The following SEC16A variants were observed in gnomAD, a reference collection of about 807,000 sequenced individuals.
SEC16A encodes the protein SEC16 homolog A, endoplasmic reticulum export factor.
A neutral mutation model predicts 221.9 loss-of-function variants in SEC16A; 110 were observed. The ratio of observed to expected loss-of-function variants is 0.50; its 90% CI spans 0.42 to 0.58. The LOEUF (loss-of-function observed/expected upper bound fraction) is 0.58. Among genes scored for constraint, SEC16A ranks in the 20% least tolerant of loss-of-function variants. The pLI, the probability that SEC16A is intolerant of heterozygous loss-of-function variation, is 0.00. For missense variants in SEC16A, 3,165 were observed against 3,097.8 expected, an observed-to-expected ratio of 1.02 and a Z score of -0.52; for synonymous variants, 1,393 against 1,257.7, an observed-to-expected ratio of 1.11 and a Z score of -2.28.
At position 136,447,922 on chromosome 9, in the gene SEC16A, T is replaced by C; in HGVS notation, c.6391-13A>G. On this transcript the variant is annotated splice_polypyrimidine_tract_variant and intron_variant, in intron 24 of 31. Coordinates refer to ENST00000684901, the MANE Select transcript of SEC16A (RefSeq NM_014866.2). This position sits in a 1 kb window ranked among gnomAD's most constrained non-coding sequence, Gnocchi z 5.5. ...CATCCCAAACAATCTGCCAAGATTT[T>C]AAAAAGAAAAAAGGTCAGCAGACTG... is the stretch of plus-strand genomic sequence containing the variant. The C allele has an allele frequency of 1.9e-6, 3 of 1,601,612 alleles. No individual in the cohort carries two copies. The highest frequency in any genetic ancestry group is 2.6e-6 in the Non-Finnish European group (3 of 1,173,802).
chr9:136,462,807 T>C, intron 12 of SEC16A, 80 bp downstream of exon 12: 2 of 1,519,070 alleles, frequency 1.3e-6, no homozygotes, highest in South Asian at 1.2e-5. Context: ...GCCACGTCCC[T>C]CCCTGAAGGC....
Position 136,476,314 on chromosome 9 carries a change from C to T in SEC16A, c.1302G>A (p.Glu434=). ...CQALLPGPSN[E]AAGDVWGDTA... Reference sequence around the variant, plus strand: ...TGTCACCCCACACATCACCAGCAGCCTCATTGCTGGGGCCTGGGAGAAGGG... The same window carrying T: ...TGTCACCCCACACATCACCAGCAGCTTCATTGCTGGGGCCTGGGAGAAGGG... Residue 434 remains glutamate (E), a synonymous_variant, in exon 3 of 32, where the codon GAG becomes GAA. Transcript: ENST00000684901. 2 of 1,613,034 alleles carry T rather than the reference C, an allele frequency of 1.2e-6. No individual in the cohort carries two copies. Among genetic ancestry groups the T allele is most frequent in the Non-Finnish European group, 1.7e-6 (2 of 1,179,890 alleles).
Position 136,475,437 on chromosome 9 carries a change from C to T in SEC16A, c.2179G>A (p.Ala727Thr), listed in dbSNP as rs754690182. The T allele has an allele frequency of 6.2e-7, 1 of 1,610,404 alleles. No homozygotes were observed. Among genetic ancestry groups the T allele is most frequent in the South Asian group, 1.1e-5 (1 of 90,814 alleles). Residue 727 changes from alanine (A) to threonine (T), a missense_variant, in exon 3 of 32, where the codon GCG becomes ACG. Physicochemically the swap from Ala to Thr is moderately conservative, Grantham distance 58. Transcript: ENST00000684901. The surrounding 1 kb of genome is among the most constrained non-coding windows in gnomAD (Gnocchi z 5.0). ...KCESPATTLW[A>T]QSELPDFGGN... ...CCAAAATCTGGCAGCTCACTTTGCG[C>T]CCACAGAGTCGTTGCTGGGCTCTCA...
chr9:136,457,017 C>T (rs1411878266), intron 18 of SEC16A, among the ~76,000 whole-genome samples: 3 of 151,922 alleles, frequency 2.0e-5, no homozygotes, highest in Admixed American at 6.6e-5. Flanking sequence ...ACTAAAAATA[C>T]AAAAAATTGG....
rs746750207 is a variant in SEC16A, at chr9:136,477,563, G to A, written c.53C>T (p.Ala18Val). The change falls in exon 3 of 32, where the codon GCC becomes GTC. Residue 18 changes from alanine (A) to valine (V), a missense_variant. Coordinates refer to ENST00000684901, the MANE Select transcript of SEC16A (RefSeq NM_014866.2). ...VPSGMAGPPP[A>V]GNPRSVFWAS... The stretch of plus-strand genomic sequence containing the variant: ...CCAGAACACGCTCCGAGGATTCCCG[G>A]CTGGAGGTGGCCCAGCCATGCCAGA... The A allele has an allele frequency of 3.7e-5, 59 of 1,612,846 alleles. No individual in the cohort carries two copies. Among genetic ancestry groups the A allele is most frequent in the Non-Finnish European group, 4.8e-5 (57 of 1,179,688 alleles).
chr9:136,449,075 A>G (rs1372644533), intron 23 of SEC16A, among the ~76,000 whole-genome samples: 1 of 152,198 alleles, frequency 6.6e-6, no homozygotes, highest in Non-Finnish European at 1.5e-5. Context: ...TGCCTTCAGG[A>G]ACTTTTTACG....
intron 22 of SEC16A, among the ~76,000 whole-genome samples, chr9:136,452,449 CAAAAAAAAAAAAAAAA>C (rs752510860): frequency 8.6e-5 from 2 of 23,280 alleles, no homozygotes; most frequent in Non-Finnish European, 1.6e-4. Flanking sequence ...AACTCCATCT[CAAAAAAAAAAAAAAAA>C]AAAAAAAAAA....
chr9:136,468,605 T>A, intron 4 of SEC16A, 93 bp from the exon 5 acceptor site: 1 of 770,894 alleles, frequency 1.3e-6, no homozygotes, highest in Non-Finnish European at 2.2e-6. Flanking sequence ...GCAATGGGCA[T>A]TCATCAAAGC....
chr9:136,473,500 G>A (rs934253513), intron 3 of SEC16A, among the ~76,000 whole-genome samples: 4 of 152,258 alleles, frequency 2.6e-5, no homozygotes, highest in East Asian at 1.9e-4. Flanking sequence ...GCCGGTCCCC[G>A]AGCCGCTGCC....
chr9:136,484,125 C>A (rs1842734310), upstream of SEC16A: 3 of 168,092 alleles, frequency 1.8e-5, no homozygotes, highest in Admixed American at 6.5e-5. Context: ...CCCTCCCAGG[C>A]CCACCCTGGC....
At position 136,483,016 on chromosome 9, in the gene SEC16A, C is replaced by A. The variant is rs1383039076; in HGVS notation, c.-270G>T. 1 of 985,252 alleles carries A rather than the reference C, an allele frequency of 1.0e-6. No homozygotes were observed. The highest frequency in any genetic ancestry group is 1.2e-6 in the Non-Finnish European group (1 of 829,804). 61.0% of individuals were successfully genotyped at this position (985,252 alleles called of 1,614,324 possible). A position where few individuals can be genotyped will look rare whatever the true frequency, so the allele number is the denominator to read the frequency against. ...CTGGCGACGAGCACAGACACCTCAG[C>A]CGCCGCAGCCATCTTGGCACATCCG... is the stretch of plus-strand genomic sequence containing the variant. On this transcript the variant is annotated 5_prime_UTR_variant, in exon 1 of 32. Transcript: ENST00000684901.
rs1032680826 is a variant in SEC16A at position 136,476,260 on chromosome 9, G to A, written c.1356C>T (p.Ser452=). 15 of 1,613,234 alleles carry A rather than the reference G, an allele frequency of 9.3e-6. No individual in the cohort carries two copies. The highest frequency in any genetic ancestry group is 6.7e-5 in the African/African-American group (5 of 74,856). The part of the protein sequence containing the change: ...DTASTGVPDA[S]GSQYENVENL... ...TCTCAACATTCTCATACTGCGAGCC[G>A]CTGGCATCCGGCACCCCTGTGCTCG... Residue 452 remains serine, a synonymous_variant, in exon 3 of 32, where the codon AGC becomes AGT. Transcript: ENST00000684901.
chr9:136,474,795 T>C lies in SEC16A; in HGVS notation c.2821A>G (p.Ser941Gly). The C allele has an allele frequency of 6.2e-7, 1 of 1,613,984 alleles. No individual in the cohort carries two copies. Among genetic ancestry groups the C allele is most frequent in the Non-Finnish European group, 8.5e-7 (1 of 1,179,888 alleles). The change falls in exon 3 of 32, where the codon AGT (serine) becomes GGT (glycine). Residue 941 changes from serine (S) to glycine (G), a missense_variant. Around this residue, in one of 3 missense-constraint regions of SEC16A, gnomAD observed 2,030 missense variants for 1,923.1 expected, o/e 1.06. Coordinates refer to ENST00000684901, the MANE Select transcript of SEC16A (RefSeq NM_014866.2). ...CTTCCTGCCTTACGATCCTTTTGAC[T>C]TTCTGGAACCAAGTTCTCTGGAACT... ...QPVPENLVPE[S>G]QKDRKAGSAL...
intron 18 of SEC16A, 111 bp downstream of exon 18, chr9:136,457,333 C>G (rs1050647421): frequency 7.1e-6 from 9 of 1,261,184 alleles, no homozygotes; most frequent in Non-Finnish European, 8.6e-6. Flanking sequence ...TTCTGAGCGC[C>G]TACCACAATG....
At chr9:136,484,046 G>T (rs113406501), upstream of SEC16A, 6,587 of 160,208 alleles carry the variant, frequency 0.041, 377 homozygotes, top group African/African-American at 0.13. Flanking sequence ...CCGGGTGTCC[G>T]CCGACTCGCA....
chr9:136,479,763 G>A (rs1011570272), intron 1 of SEC16A, among the ~76,000 whole-genome samples: 1 of 151,950 alleles, frequency 6.6e-6, no homozygotes, highest in African/African-American at 2.4e-5. Context: ...CCTGTAAGCC[G>A]AGCACTTTGG....
intron 12 of SEC16A, among the ~76,000 whole-genome samples, chr9:136,462,457 G>A (rs1839616484): frequency 6.6e-6 from 1 of 152,160 alleles, no homozygotes; most frequent in Admixed American, 6.5e-5. Context: ...CTTGCCCATG[G>A]CCTTTCCATG....
upstream of SEC16A, chr9:136,483,817 G>T: frequency 1.0e-6 from 1 of 984,668 alleles, no homozygotes; most frequent in Non-Finnish European, 1.2e-6. Flanking sequence ...GCATGCGCCG[G>T]GAGCGGCCGG....
In SEC16A at chr9:136,443,875, C is replaced by T. The variant is rs761202040; in HGVS notation, c.6953G>A (p.Gly2318Glu). The T allele has an allele frequency of 6.2e-7, 1 of 1,611,112 alleles. No homozygotes were observed. The highest frequency in any genetic ancestry group is 2.2e-5 in the East Asian group (1 of 44,830). ...NQAPGDLPAA[G>E]GPPSGAMPFY... ...GGGCATGGCCCCGCTGGGAGGGCCC[C>T]CTGCAGCAGGGAGGTCGCCAGGAGC... Residue 2318 changes from glycine (G) to glutamate (E), a missense_variant, in exon 31 of 32, where the codon GGG (glycine) becomes GAG (glutamate). Physicochemically the swap from Gly to Glu is moderately conservative, Grantham distance 98. Coordinates refer to ENST00000684901, the MANE Select transcript of SEC16A (RefSeq NM_014866.2).
Sources: allele counts gnomAD v4.1 joint callset (sites outside exome capture counted in the v4.1 genomes callset), GRCh38; gene constraint gnomAD v4.1.1; regional missense constraint gnomAD v4.1.1; non-coding constraint Gnocchi (gnomAD v3.1); transcripts MANE v1.5; gene names NCBI Gene and HGNC (gene_info 2026-07-23, HGNC 2026-07-21).